The following PAPSS1 variants were observed in gnomAD, a reference collection of about 807,000 sequenced individuals.
PAPSS1 encodes the protein 3'-phosphoadenosine 5'-phosphosulfate synthase 1, also known as bifunctional 3'-phosphoadenosine 5'-phosphosulfate synthase 1.
In PAPSS1, 50 loss-of-function variants were observed where a neutral mutation model predicts 72.0. The observed-to-expected ratio is 0.69, with a 90% CI of 0.55 to 0.88. The LOEUF is 0.88. PAPSS1 is among the 40% of genes least tolerant of loss of function. The pLI is 0.00. For missense variants in PAPSS1, 657 were observed against 782.2 expected (o/e 0.84, Z 1.91); for synonymous variants, 261 against 263.6 (o/e 0.99, Z 0.09).
At chr4:107,674,573 CAAT>C (rs1364000935) in intron 5 of PAPSS1, among the ~76,000 whole-genome samples, 7 of 152,156 alleles carry the variant, frequency 4.6e-5, no homozygotes, top group Non-Finnish European at 1.0e-4. Context: ...GACTCCCACA[CAAT>C]AATAATGGGA....
intron 9 of PAPSS1, among the ~76,000 whole-genome samples, chr4:107,651,597 G>A (rs918365842): frequency 9.9e-5 from 15 of 152,276 alleles, no homozygotes; most frequent in South Asian, 2.1e-4. Flanking sequence ...TGGCAGGAGA[G>A]AGAATGAGAA....
At chr4:107,653,816 T>A (rs1420260175) in intron 8 of PAPSS1, among the ~76,000 whole-genome samples, 190 bp from the exon 9 acceptor site, 1 of 152,208 alleles carries the variant, frequency 6.6e-6, no homozygotes, top group African/African-American at 2.4e-5. Context: ...CCAGAAAACT[T>A]GTGAAATAAC....
chr4:107,659,749 CA>C, intron 6 of PAPSS1, among the ~76,000 whole-genome samples: 1 of 152,186 alleles, frequency 6.6e-6, no homozygotes, highest in Non-Finnish European at 1.5e-5. Context: ...TATTATTACT[CA>C]AAGCAAATCA....
At chr4:107,710,945 G>A (rs368950856) in intron 1 of PAPSS1, among the ~76,000 whole-genome samples, 16 of 152,210 alleles carry the variant, frequency 1.1e-4, no homozygotes, top group African/African-American at 3.6e-4. Flanking sequence ...GATAACAAGT[G>A]GAGTTATATA....
In PAPSS1 at chr4:107,635,005, A is replaced by G. The variant is rs184536918; in HGVS notation, c.1507-3145T>C. Among the ~76,000 whole-genome samples, 1,226 of 152,080 alleles carry G rather than the reference A, an allele frequency of 8.1e-3. 6 individuals are homozygous for G. The highest frequency in any genetic ancestry group is 0.016 in the South Asian group (77 of 4,810). On this transcript the variant is annotated intron_variant, in intron 10 of 11. Coordinates refer to ENST00000265174, the MANE Select transcript of PAPSS1 (RefSeq NM_005443.5). ...AGTAGAGACGGGGTTTTACCGTGTT[A>G]GCCAGGATGGTCTCGATCTCCTGAC...
At chr4:107,670,112 T>C (rs1029811163) in intron 5 of PAPSS1, among the ~76,000 whole-genome samples, 13 of 152,164 alleles carry the variant, frequency 8.5e-5, no homozygotes, top group African/African-American at 3.1e-4. Context: ...GGAAAAAAGG[T>C]CACTTTCCTC....
intron 2 of PAPSS1, among the ~76,000 whole-genome samples, chr4:107,696,813 C>A (rs1290413231): frequency 6.6e-6 from 1 of 152,048 alleles, no homozygotes; most frequent in African/African-American, 2.4e-5. Context: ...ACATTAAAAA[C>A]CGATATTAAT....
At chr4:107,656,097 G>A (rs1452981004) in intron 7 of PAPSS1, among the ~76,000 whole-genome samples, 3 of 151,994 alleles carry the variant, frequency 2.0e-5, no homozygotes, top group East Asian at 3.9e-4. Flanking sequence ...ATTATATGTT[G>A]GACATCATTT....
chr4:107,650,840 G>C (rs1014883332), intron 9 of PAPSS1, among the ~76,000 whole-genome samples: 1 of 151,976 alleles, frequency 6.6e-6, no homozygotes, highest in African/African-American at 2.4e-5. Flanking sequence ...AAAACAGGAA[G>C]AGAAGGGTGA....
intron 5 of PAPSS1, among the ~76,000 whole-genome samples, chr4:107,679,089 T>A (rs889403946): frequency 6.6e-6 from 1 of 152,134 alleles, no homozygotes; most frequent in African/African-American, 2.4e-5. Context: ...TTAGCTGTTA[T>A]GCAGGGAGGG....
intron 1 of PAPSS1, among the ~76,000 whole-genome samples, chr4:107,703,755 C>A (rs1443611788): frequency 6.6e-6 from 1 of 152,150 alleles, no homozygotes; most frequent in Non-Finnish European, 1.5e-5. Flanking sequence ...ACTATAGCTT[C>A]AGAGTGTGTT....
At chr4:107,713,071 T>A (rs1459755055) in intron 1 of PAPSS1, among the ~76,000 whole-genome samples, 1 of 151,788 alleles carries the variant, frequency 6.6e-6, no homozygotes, top group Non-Finnish European at 1.5e-5. Flanking sequence ...CTCAGCCTCC[T>A]GAGTAGCTGG....
Position 107,651,921 on chromosome 4 carries a change from G to C in PAPSS1, c.1237+1570C>G, listed in dbSNP as rs2672489. Among the ~76,000 whole-genome samples the C allele has an allele frequency of 3.3e-5, 5 of 152,236 alleles. No homozygotes were observed. The East Asian group carries it at 9.7e-4, about 29-fold the overall frequency. On this transcript the variant is annotated intron_variant, in intron 9 of 11. Transcript: ENST00000265174. ...CCTCAACAATTGTCCATGAGCCTTA[G>C]AGAGAAAAGTAATTTCCCCACAAAC...
At chr4:107,683,236 T>A (rs1722682359) in intron 4 of PAPSS1, among the ~76,000 whole-genome samples, 1 of 152,122 alleles carries the variant, frequency 6.6e-6, no homozygotes, top group South Asian at 2.1e-4. Context: ...ACTACAAACC[T>A]ACAGCCCATT....
intron 11 of PAPSS1, among the ~76,000 whole-genome samples, chr4:107,627,847 C>T (rs934442683): frequency 6.6e-6 from 1 of 152,042 alleles, no homozygotes; most frequent in Non-Finnish European, 1.5e-5. Context: ...ACAGTGAAAT[C>T]GTACTAGGTG....
intron 10 of PAPSS1, among the ~76,000 whole-genome samples, chr4:107,639,459 C>T (rs146479022): frequency 6.6e-6 from 1 of 152,180 alleles, no homozygotes; most frequent in African/African-American, 2.4e-5. Flanking sequence ...GCCTTTTTGC[C>T]GATCCTATTT....
At chr4:107,678,355 C>T (rs1342149822) in intron 5 of PAPSS1, among the ~76,000 whole-genome samples, 2 of 151,960 alleles carry the variant, frequency 1.3e-5, no homozygotes, top group Non-Finnish European at 2.9e-5. Flanking sequence ...GTAGACAATG[C>T]ATTGAAAACA....
At chr4:107,645,205 T>TA (rs142724086) in intron 9 of PAPSS1, 135 bp from the exon 10 acceptor site, 12,333 of 401,802 alleles carry the variant, frequency 0.031, 47 homozygotes, top group African/African-American at 0.052. Flanking sequence ...AGAAAACTGG[T>TA]AAAAAAAAAA....
chr4:107,619,574 A>T lies in PAPSS1; in HGVS notation c.1737-5187T>A, dbSNP rs181688623. Reference sequence around the variant, plus strand: ...TTATTTTACAGAAATAACTAAATTTAAAAAAAAACTGAAGAATTTCTGGAA... The same window carrying T: ...TTATTTTACAGAAATAACTAAATTTTAAAAAAAACTGAAGAATTTCTGGAA... On this transcript the variant is annotated intron_variant, in intron 11 of 11. Coordinates refer to ENST00000265174, the MANE Select transcript of PAPSS1 (RefSeq NM_005443.5). Among the ~76,000 whole-genome samples, 194 of 139,460 alleles carry T rather than the reference A, an allele frequency of 1.4e-3. 1 individual carries two copies. Among genetic ancestry groups the T allele is most frequent in the African/African-American group, 5.1e-3 (151 of 29,900 alleles). The allele number at this position is 139,460 out of a possible 152,430, so 91.5% of individuals were successfully genotyped here.
Sources: allele counts gnomAD v4.1 joint callset (sites outside exome capture counted in the v4.1 genomes callset), GRCh38; gene constraint gnomAD v4.1.1; transcripts MANE v1.5; gene names NCBI Gene and HGNC (gene_info 2026-07-23, HGNC 2026-07-21).